Variants in WDR70 observed in about 807,000 individuals in gnomAD.
WDR70 encodes WD repeat-containing protein 70.
In WDR70, 53 loss-of-function variants were observed where a neutral mutation model predicts 88.6. The observed-to-expected ratio is 0.60, with a 90% confidence interval of 0.48 to 0.75. The LOEUF is 0.75. Ranked by LOEUF, WDR70 falls within the 30% of genes least tolerant of loss-of-function variation. WDR70 has a pLI of 0.00. For missense variants in WDR70, 610 were observed against 823.2 expected (o/e 0.74, Z 3.17); for synonymous variants, 280 against 270.0 (o/e 1.04, Z -0.36).
rs1033366261 is a variant in WDR70, at chr5:37,713,854, T to TC, written c.1417-7260dup. On this transcript the variant is annotated intron_variant, in intron 13 of 17. Coordinates refer to ENST00000265107, the MANE Select transcript of WDR70 (RefSeq NM_018034.4). ...TCTTGTAGGATTTTCTGACAGTTTT[T>TC]CTCCCTCAGCCTGAATCTGATGAAT... Among the ~76,000 whole-genome samples, 15 of 152,344 alleles carry TC rather than the reference T, an allele frequency of 9.8e-5. 1 individual carries two copies. Among genetic ancestry groups the TC allele is most frequent in the Admixed American group, 9.8e-4 (15 of 15,308 alleles).
rs147436961 is a variant in WDR70, at chr5:37,605,238, T to G, written c.1092T>G (p.Thr364=). 6 of 1,591,782 alleles carry G rather than the reference T, an allele frequency of 3.8e-6. No homozygotes were observed. Among genetic ancestry groups the G allele is most frequent in the Non-Finnish European group, 4.3e-6 (5 of 1,169,608 alleles). Residue 364 remains threonine, a splice_region_variant and synonymous_variant, in exon 10 of 18, where the codon ACT becomes ACG. Transcript: ENST00000265107. ...GSIQIWDRNL[T]VHPKFHYKQA... Reference sequence around the variant, plus strand: ...TACAGATCTGGGACCGAAATTTGACTGTAAGTTAAATCTTTTCTTAGAACA... The same window carrying G: ...TACAGATCTGGGACCGAAATTTGACGGTAAGTTAAATCTTTTCTTAGAACA...
intron 6 of WDR70, among the ~76,000 whole-genome samples, chr5:37,438,384 T>C (rs1750547251): frequency 6.6e-6 from 1 of 152,156 alleles, no homozygotes; most frequent in Non-Finnish European, 1.5e-5. Context: ...AAATGAACTT[T>C]AAGTAGTTAC....
intron 10 of WDR70, among the ~76,000 whole-genome samples, chr5:37,623,370 A>C (rs1385077412): frequency 6.6e-6 from 1 of 152,110 alleles, no homozygotes; most frequent in African/African-American, 2.4e-5. Flanking sequence ...ATCCTCAAAC[A>C]TATAAAATCC....
At chr5:37,480,931 T>C (rs1471627649) in intron 8 of WDR70, among the ~76,000 whole-genome samples, 1 of 152,032 alleles carries the variant, frequency 6.6e-6, no homozygotes, top group Non-Finnish European at 1.5e-5. Context: ...AGGCTTTGGG[T>C]AAATACACTT....
intron 5 of WDR70, among the ~76,000 whole-genome samples, chr5:37,420,971 A>G (rs1425210000): frequency 6.6e-6 from 1 of 152,164 alleles, no homozygotes; most frequent in African/African-American, 2.4e-5. Flanking sequence ...CTATAGCACC[A>G]ACAGTTCAAC....
At chr5:37,670,142 C>G (rs746105579) in intron 10 of WDR70, among the ~76,000 whole-genome samples, 24 of 152,064 alleles carry the variant, frequency 1.6e-4, no homozygotes, top group Admixed American at 3.9e-4. Flanking sequence ...AAACGTTGAA[C>G]TACATAGTTT....
intron 10 of WDR70, among the ~76,000 whole-genome samples, chr5:37,674,579 T>A (rs1023772251): frequency 1.3e-5 from 2 of 152,220 alleles, no homozygotes; most frequent in African/African-American, 2.4e-5. Flanking sequence ...TTTTTATGGC[T>A]GCATAGTATT....
intron 8 of WDR70, among the ~76,000 whole-genome samples, chr5:37,509,948 A>G (rs1370861778): frequency 1.3e-5 from 2 of 151,872 alleles, no homozygotes; most frequent in Non-Finnish European, 2.9e-5. Context: ...TGTAGTCCCA[A>G]CTACTTGGGA....
intron 3 of WDR70, among the ~76,000 whole-genome samples, chr5:37,382,612 A>G (rs1275989747): frequency 2.0e-5 from 3 of 151,966 alleles, no homozygotes; most frequent in Admixed American, 2.0e-4. Context: ...GGGTTTCACC[A>G]TGTTAGCCAG....
At chr5:37,504,268 G>T (rs983360092) in intron 8 of WDR70, among the ~76,000 whole-genome samples, 4 of 151,366 alleles carry the variant, frequency 2.6e-5, no homozygotes, top group African/African-American at 9.7e-5. Context: ...TTATTTTGGG[G>T]CTTTCCCTTG....
chr5:37,510,097 T>G (rs948517647), intron 8 of WDR70, among the ~76,000 whole-genome samples: 1 of 151,806 alleles, frequency 6.6e-6, no homozygotes, highest in Non-Finnish European at 1.5e-5. Context: ...AAAAAAAAAC[T>G]TAATAAAATT....
At chr5:37,455,796 A>G (rs897963946) in intron 7 of WDR70, among the ~76,000 whole-genome samples, 11 of 151,922 alleles carry the variant, frequency 7.2e-5, no homozygotes, top group Non-Finnish European at 1.0e-4. Flanking sequence ...AGTTCTATGA[A>G]TTTTGAGAAA....
At chr5:37,702,098 G>T (rs1461391583) in intron 12 of WDR70, among the ~76,000 whole-genome samples, 2 of 152,182 alleles carry the variant, frequency 1.3e-5, no homozygotes, top group Non-Finnish European at 2.9e-5. Flanking sequence ...CAACAGAGAA[G>T]AGCATGAAGA....
chr5:37,457,364 G>A (rs900471032), intron 7 of WDR70, among the ~76,000 whole-genome samples: 6 of 152,154 alleles, frequency 3.9e-5, no homozygotes, highest in African/African-American at 1.4e-4. Context: ...CCAAAGTGCT[G>A]GGATTACAGG....
chr5:37,620,603 G>T (rs1479382865), intron 10 of WDR70, among the ~76,000 whole-genome samples: 1 of 152,054 alleles, frequency 6.6e-6, no homozygotes, highest in Non-Finnish European at 1.5e-5. Flanking sequence ...AATTCCTATT[G>T]CAGTGTGCAC....
At chr5:37,415,429 T>C (rs1482428170) in intron 5 of WDR70, among the ~76,000 whole-genome samples, 1 of 85,952 alleles carries the variant, frequency 1.2e-5, no homozygotes, top group Admixed American at 1.2e-4. Flanking sequence ...CCCACCTCCC[T>C]CCCGGACGGG....
intron 17 of WDR70, among the ~76,000 whole-genome samples, chr5:37,752,179 G>A (rs1195703828): frequency 1.3e-5 from 2 of 152,132 alleles, no homozygotes; most frequent in Non-Finnish European, 2.9e-5. Context: ...AGTTTCAGGT[G>A]GAGGGTGGTT....
At chr5:37,573,986 AT>A (rs1164852990) in intron 9 of WDR70, among the ~76,000 whole-genome samples, 1 of 152,182 alleles carries the variant, frequency 6.6e-6, no homozygotes, top group African/African-American at 2.4e-5. Flanking sequence ...GGCTGGCAAG[AT>A]TTTTATTGAG....
At chr5:37,391,759 C>G (rs1321422561) in intron 3 of WDR70, among the ~76,000 whole-genome samples, 2 of 152,166 alleles carry the variant, frequency 1.3e-5, no homozygotes, top group Non-Finnish European at 2.9e-5. Context: ...ACTGTGCTTT[C>G]AGTTTCTTTG....
Sources: allele counts gnomAD v4.1 joint callset (sites outside exome capture counted in the v4.1 genomes callset), GRCh38; gene constraint gnomAD v4.1.1; transcripts MANE v1.5; gene names NCBI Gene and HGNC (gene_info 2026-07-23, HGNC 2026-07-21).